The following CDKN2B-AS1 variants were observed in gnomAD, a reference collection of about 807,000 sequenced individuals.
CDKN2B-AS1 encodes the protein CDKN2B and CDKN2A antisense cis and trans regulatory RNA 1, also known as CDKN2B antisense RNA 1 (non-protein coding).
At chr9:22,071,022 G>C (rs960861817) in intron 4 of CDKN2B-AS1, among the ~76,000 whole-genome samples, 1 of 152,016 alleles carries the variant, frequency 6.6e-6, no homozygotes, top group Non-Finnish European at 1.5e-5. Context: ...CTGGTGATGT[G>C]ATTCAAGCCA....
chr9:22,029,601 G>A (rs932783974), intron 1 of CDKN2B-AS1: 35 of 705,782 alleles, frequency 5.0e-5, no homozygotes, highest in Non-Finnish European at 8.5e-5. Flanking sequence ...TGCTGTAAGT[G>A]CTGTTTGGGA....
At chr9:22,030,425 T>C (rs1447117192) in intron 1 of CDKN2B-AS1, 1 of 152,206 alleles carries the variant, frequency 6.6e-6, no homozygotes, top group Non-Finnish European at 1.5e-5. Flanking sequence ...TTGTACTTCC[T>C]ATCTGGGTAT....
chr9:22,013,148 G>T (rs569106540), intron 1 of CDKN2B-AS1, among the ~76,000 whole-genome samples: 1 of 152,158 alleles, frequency 6.6e-6, no homozygotes, highest in Admixed American at 6.5e-5. Flanking sequence ...CCTCTTTTGA[G>T]GACACCAGTC....
intron 4 of CDKN2B-AS1, among the ~76,000 whole-genome samples, chr9:22,100,053 A>T (rs1018153627): frequency 1.3e-5 from 2 of 152,206 alleles, no homozygotes; most frequent in South Asian, 4.1e-4. Context: ...AGAAAGGAGC[A>T]TTGACACATT....
In CDKN2B-AS1 at chr9:22,032,750, C is replaced by T. The variant is rs552829010; in HGVS notation, n.30-14001C>T. 4 of 151,852 alleles carry T rather than the reference C, an allele frequency of 2.6e-5. No individual in the cohort carries two copies. The South Asian group carries it at 8.3e-4, about 32-fold the overall frequency. The allele number at this position is 151,852 out of a possible 1,614,324, so 9.4% of individuals were successfully genotyped here. On this transcript the variant is annotated intron_variant and non_coding_transcript_variant, in intron 1 of 4. Coordinates refer to ENST00000650946, the Ensembl canonical transcript of CDKN2B-AS1. ...AAGATGATTTTTCCTGCAGGGATTC[C>T]CTCTACAAAATTAAAAACACTGGGC...
intron 1 of CDKN2B-AS1, among the ~76,000 whole-genome samples, chr9:22,026,765 A>G (rs1822258023): frequency 6.6e-6 from 1 of 152,166 alleles, no homozygotes; most frequent in African/African-American, 2.4e-5. Flanking sequence ...TGGAGTAGCT[A>G]AAGCTCTTGG....
At chr9:22,089,079 T>C (rs962754034) in intron 4 of CDKN2B-AS1, among the ~76,000 whole-genome samples, 2 of 152,174 alleles carry the variant, frequency 1.3e-5, no homozygotes, top group Admixed American at 1.3e-4. Context: ...CCATGAGTTT[T>C]AAAAACACCC....
intron 4 of CDKN2B-AS1, among the ~76,000 whole-genome samples, chr9:22,085,447 C>A (rs940695538): frequency 2.6e-5 from 4 of 152,124 alleles, no homozygotes; most frequent in African/African-American, 9.7e-5. Flanking sequence ...TGGCCGGGCG[C>A]GGTGGCTCAC....
intron 4 of CDKN2B-AS1, among the ~76,000 whole-genome samples, chr9:22,072,222 T>A (rs563018627): frequency 1.4e-3 from 207 of 152,342 alleles, no homozygotes; most frequent in East Asian, 2.3e-3. Context: ...TTTCTCTAAA[T>A]GACATTATCA....
chr9:22,025,188 A>G (rs1822180939), intron 1 of CDKN2B-AS1, among the ~76,000 whole-genome samples: 1 of 152,124 alleles, frequency 6.6e-6, no homozygotes, highest in Admixed American at 6.5e-5. Context: ...GCAATCATTC[A>G]GTTCAATCAG....
At chr9:22,060,963 G>A (rs561051372) in intron 4 of CDKN2B-AS1, among the ~76,000 whole-genome samples, 1 of 152,264 alleles carries the variant, frequency 6.6e-6, no homozygotes, top group African/African-American at 2.4e-5. Context: ...TGGGAATTCT[G>A]GGAGATACAA....
At chr9:22,017,333 GA>G (rs139752189) in intron 1 of CDKN2B-AS1, among the ~76,000 whole-genome samples, 14,674 of 152,020 alleles carry the variant, frequency 0.097, 722 homozygotes, top group Middle Eastern at 0.13. Flanking sequence ...GGCTGAAGCA[GA>G]AAAAAATAAA....
intron 4 of CDKN2B-AS1, among the ~76,000 whole-genome samples, chr9:22,092,752 GT>G (rs1235391282): frequency 6.6e-6 from 1 of 151,888 alleles, no homozygotes; most frequent in African/African-American, 2.4e-5. Context: ...TATCAATTTT[GT>G]TGATCTTTTC....
intron 4 of CDKN2B-AS1, among the ~76,000 whole-genome samples, chr9:22,124,295 G>A (rs1817983220): frequency 6.6e-6 from 1 of 152,192 alleles, no homozygotes; most frequent in Non-Finnish European, 1.5e-5. Flanking sequence ...GGGATGGGTA[G>A]ACAAAATGTA....
At chr9:22,096,095 G>A (rs1825266476) in intron 4 of CDKN2B-AS1, among the ~76,000 whole-genome samples, 2 of 152,132 alleles carry the variant, frequency 1.3e-5, no homozygotes, top group Non-Finnish European at 1.5e-5. Context: ...GGAGATAGGG[G>A]TAGGGAATTC....
chr9:22,121,658 GT>G lies in CDKN2B-AS1; in HGVS notation n.439-5444del, dbSNP rs200012294. Among the ~76,000 whole-genome samples the G allele has an allele frequency of 1.3e-4, 20 of 152,092 alleles. No individual in the cohort carries two copies. In the East Asian group the frequency reaches 2.3e-3, roughly 18 times the overall value. On this transcript the variant is annotated intron_variant and non_coding_transcript_variant, in intron 4 of 4. Transcript: ENST00000650946. ...TGTGAGTGAGAACATGCGGTGTTTA[GT>G]AGGAAATTTCTGTTCCTGGCTTATT... is the stretch of plus-strand genomic sequence containing the variant.
intron 4 of CDKN2B-AS1, chr9:22,118,158 C>T (rs1157446157): frequency 6.6e-6 from 1 of 152,190 alleles, no homozygotes; most frequent in African/African-American, 2.4e-5. Context: ...TGTCATGAGC[C>T]ATTCTCTCCA....
intron 1 of CDKN2B-AS1, among the ~76,000 whole-genome samples, chr9:22,025,786 C>A (rs919153293): frequency 1.2e-4 from 18 of 152,254 alleles, no homozygotes; most frequent in African/African-American, 3.6e-4. Context: ...TGGGAGACCT[C>A]ACCCAGCCAG....
chr9:22,024,367 C>T (rs1212537879), intron 1 of CDKN2B-AS1, among the ~76,000 whole-genome samples: 1 of 152,198 alleles, frequency 6.6e-6, no homozygotes, highest in Non-Finnish European at 1.5e-5. Context: ...TCAGGGGTGC[C>T]TGCCTCCCTG....
Sources: gnomAD v4.1 joint callset for allele counts (sites outside exome capture counted in the v4.1 genomes callset) on GRCh38, gnomAD v4.1.1 for gene constraint, MANE v1.5 for transcripts, NCBI Gene and HGNC (gene_info 2026-07-23, HGNC 2026-07-21) for gene names.